The following MRPS6 variants were observed in gnomAD, a reference collection of about 807,000 sequenced individuals.
MRPS6 encodes small ribosomal subunit protein bS6m.
MRPS6 carries 6 observed loss-of-function variants against 13.1 expected under a neutral mutation model. The observed-to-expected ratio is 0.46, with a 90% CI of 0.25 to 0.91. The LOEUF is 0.91. Ranked by LOEUF, MRPS6 falls within the 40% of genes least tolerant of loss-of-function variation. The pLI is 0.18. For synonymous variants in MRPS6, 61 were observed against 56.5 expected (o/e 1.08, Z -0.36); for missense variants, 164 against 155.6 (o/e 1.05, Z -0.29).
chr21:34,091,487 A>G (rs1978690200), intron 1 of MRPS6, among the ~76,000 whole-genome samples: 1 of 152,190 alleles, frequency 6.6e-6, no homozygotes, highest in South Asian at 2.1e-4. Flanking sequence ...GGTCATGATA[A>G]CTAATTACAT....
chr21:34,122,986 A>G (rs966820829), intron 1 of MRPS6: 2 of 152,230 alleles, frequency 1.3e-5, no homozygotes, highest in Admixed American at 1.3e-4. Flanking sequence ...AAATTGCCTT[A>G]GACTTTTTAC....
chr21:34,106,164 C>A (rs1979466763), intron 1 of MRPS6: 1 of 989,534 alleles, frequency 1.0e-6, no homozygotes. Flanking sequence ...AAAGTACATT[C>A]CTTTCTGTGG....
At chr21:34,114,585 C>CCCA (rs1979829996) in intron 1 of MRPS6, among the ~76,000 whole-genome samples, 1 of 152,114 alleles carries the variant, frequency 6.6e-6, no homozygotes, top group Non-Finnish European at 1.5e-5. Context: ...TTTTAAAGCT[C>CCCA]CCAGGTGATT....
At chr21:34,088,964 T>G (rs1004499595) in intron 1 of MRPS6, among the ~76,000 whole-genome samples, 3 of 152,216 alleles carry the variant, frequency 2.0e-5, no homozygotes, top group Non-Finnish European at 1.5e-5. Flanking sequence ...TCTTGAATTC[T>G]TATTGAGTTA....
intron 2 of MRPS6, among the ~76,000 whole-genome samples, chr21:34,139,800 ACTC>A (rs984254999): frequency 6.6e-6 from 1 of 151,552 alleles, no homozygotes; most frequent in Non-Finnish European, 1.5e-5. Context: ...CTTTTCTCAG[ACTC>A]CTGGTGTCAA....
In MRPS6 at chr21:34,094,178, T is replaced by C. The variant is rs79460418; in HGVS notation, c.45+20433T>C. Among the ~76,000 whole-genome samples, 600 of 152,318 alleles carry C rather than the reference T, an allele frequency of 3.9e-3. 5 individuals carry two copies. The highest frequency in any genetic ancestry group is 0.014 in the African/African-American group (574 of 41,572). On this transcript the variant is annotated intron_variant, in intron 1 of 2. Coordinates refer to ENST00000399312, the MANE Select transcript of MRPS6 (RefSeq NM_032476.4). ...GAAATAATACAATTTTTGAGTTGTT[T>C]TGTAAGTTGGATATTTTTAGTTTTG...
chr21:34,105,291 T>C (rs979432553), intron 1 of MRPS6: 9 of 1,000,104 alleles, frequency 9.0e-6, no homozygotes, highest in African/African-American at 1.7e-5. Context: ...AACTGTGTTA[T>C]ACTTCTCAGT....
At chr21:34,087,038 C>T (rs113472929) in intron 1 of MRPS6, among the ~76,000 whole-genome samples, 1,801 of 152,272 alleles carry the variant, frequency 0.012, 39 homozygotes, top group South Asian at 0.081. Flanking sequence ...AAACACGTTC[C>T]GCAGTGGAGT....
At chr21:34,092,052 A>G (rs1027877887) in intron 1 of MRPS6, among the ~76,000 whole-genome samples, 8 of 152,116 alleles carry the variant, frequency 5.3e-5, no homozygotes, top group Non-Finnish European at 1.2e-4. Context: ...ATTCTTATAA[A>G]AATAAGGGAA....
At position 34,096,397 on chromosome 21, in the gene MRPS6, A is replaced by G. The variant is rs1978966737; in HGVS notation, c.45+22652A>G. On this transcript the variant is annotated intron_variant, in intron 1 of 2. Coordinates refer to ENST00000399312, the MANE Select transcript of MRPS6 (RefSeq NM_032476.4). The surrounding 1 kb of genome is among the most constrained non-coding windows in gnomAD (Gnocchi z 5.9). ...CTCGATGTGTACAAACTTATCCGCA[A>G]GAGCGCAAGCTCCCGGGAGTTAATG... 2 of 1,614,202 alleles carry G rather than the reference A, an allele frequency of 1.2e-6. No individual in the cohort carries two copies. Among genetic ancestry groups the G allele is most frequent in the Non-Finnish European group, 1.7e-6 (2 of 1,180,030 alleles).
chr21:34,086,332 A>G (rs914015123), intron 1 of MRPS6, among the ~76,000 whole-genome samples: 4 of 152,192 alleles, frequency 2.6e-5, no homozygotes, highest in Admixed American at 6.5e-5. Context: ...TACAGATGTT[A>G]GCAGCTGCAT....
intron 1 of MRPS6, among the ~76,000 whole-genome samples, chr21:34,110,816 C>T (rs1375854280): frequency 6.6e-6 from 1 of 152,140 alleles, no homozygotes; most frequent in Admixed American, 6.5e-5. Flanking sequence ...GATAACATTG[C>T]TAACAGTGAT....
At chr21:34,121,258 G>A (rs543715448) in intron 1 of MRPS6, among the ~76,000 whole-genome samples, 1,751 of 152,266 alleles carry the variant, frequency 0.011, 38 homozygotes, top group South Asian at 0.081. Flanking sequence ...AAACTTTGTT[G>A]TGCCTCCAGC....
chr21:34,074,172 G>T (rs1193706200), intron 1 of MRPS6, among the ~76,000 whole-genome samples: 5 of 149,564 alleles, frequency 3.3e-5, no homozygotes, highest in African/African-American at 1.2e-4. Context: ...CGCCGCCGCC[G>T]CCTGGTCCGT....
intron 1 of MRPS6, among the ~76,000 whole-genome samples, chr21:34,118,666 C>T (rs1980016169): frequency 6.6e-6 from 1 of 151,538 alleles, no homozygotes; most frequent in Non-Finnish European, 1.5e-5. Flanking sequence ...AGGCATACAC[C>T]ACCACGCCTG....
rs73900000 is a variant in MRPS6 at position 34,141,762 on chromosome 21, A to C, written c.186-646A>C. 4.0e-3 allele frequency among the ~76,000 whole-genome samples: 611 copies of C among 152,316 alleles called. 6 individuals are homozygous for C. Among genetic ancestry groups the C allele is most frequent in the African/African-American group, 0.014 (568 of 41,560 alleles). ...ACTGTCAGCCAGCAGGCTGCTGAGG[A>C]CCTTGTCAATCTTTGAAGACCAGTG... is the stretch of plus-strand genomic sequence containing the variant. On this transcript the variant is annotated intron_variant, in intron 2 of 2. Coordinates refer to ENST00000399312, the MANE Select transcript of MRPS6 (RefSeq NM_032476.4).
At chr21:34,137,557 T>A (rs1174791665) in intron 2 of MRPS6, among the ~76,000 whole-genome samples, 1 of 152,188 alleles carries the variant, frequency 6.6e-6, no homozygotes, top group Non-Finnish European at 1.5e-5. Flanking sequence ...CAGTCTCACT[T>A]TTTGCTTATC....
In MRPS6 at chr21:34,075,839, ATGTT is replaced by A. The variant is rs145561662; in HGVS notation, c.45+2097_45+2100del. ...AAAATAGGATTCTAAAATAGGATGA[ATGTT>A]TGGGGGGAAACGAATTTAAAAAGTT... On this transcript the variant is annotated intron_variant, in intron 1 of 2. Coordinates refer to ENST00000399312, the MANE Select transcript of MRPS6 (RefSeq NM_032476.4). 3.6e-3 allele frequency among the ~76,000 whole-genome samples: 550 copies of A among 152,348 alleles called. 2 individuals carry two copies. Among genetic ancestry groups the A allele is most frequent in the African/African-American group, 0.012 (512 of 41,574 alleles).
At chr21:34,103,250 C>A in intron 1 of MRPS6, 1 of 999,286 alleles carries the variant, frequency 1.0e-6, no homozygotes, top group Non-Finnish European at 1.2e-6. Context: ...TTGCACCTTT[C>A]CGTTCTTAAC....
Sources: allele counts gnomAD v4.1 joint callset (sites outside exome capture counted in the v4.1 genomes callset), GRCh38; gene constraint gnomAD v4.1.1; non-coding constraint Gnocchi (gnomAD v3.1); transcripts MANE v1.5; gene names NCBI Gene and HGNC (gene_info 2026-07-23, HGNC 2026-07-21).